Variants in GZMM observed in about 807,000 individuals in gnomAD.
The protein encoded by GZMM is granzyme M.
In GZMM, 23 loss-of-function variants were observed where a neutral mutation model predicts 19.2. That is an observed-to-expected ratio of 1.20 (90% CI 0.86 to 1.69). The LOEUF (loss-of-function observed/expected upper bound fraction) is 1.69, where lower values mean the gene tolerates loss of function less well. Ranked by LOEUF, GZMM falls within the 40% of genes most tolerant of loss-of-function variation. The pLI, the probability that GZMM is intolerant of heterozygous loss-of-function variation, is 0.00. For missense variants in GZMM, 373 were observed against 352.2 expected (o/e 1.06, Z -0.47); for synonymous variants, 178 against 160.2 (o/e 1.11, Z -0.84).
Position 548,891 on chromosome 19 carries a change from C to A in GZMM, c.349-31C>A, listed in dbSNP as rs1467077425. 22 of 1,492,314 alleles carry A rather than the reference C, an allele frequency of 1.5e-5. No homozygotes were observed. In the Admixed American group the frequency reaches 4.8e-4, roughly 32 times the overall value. The allele number at this position is 1,492,314 out of a possible 1,614,324, so 92.4% of individuals were successfully genotyped here. ...GCCCCCGCACTCTCACCCCCTCCCC[C>A]TGCTCACCTGCCCCTTCCTGTCACT... On this transcript the variant is annotated intron_variant, in intron 3 of 4. Transcript: ENST00000264553.
intron 1 of GZMM, among the ~76,000 whole-genome samples, chr19:545,475 G>A (rs1980241177): frequency 6.6e-6 from 1 of 152,094 alleles, no homozygotes; most frequent in Non-Finnish European, 1.5e-5. Context: ...AGCCTCCCGA[G>A]TAGCTGGGAT....
In GZMM at chr19:548,602, C is replaced by T. The variant is rs752289692; in HGVS notation, c.273C>T (p.Phe91=). 1 of 1,613,586 alleles carries T rather than the reference C, an allele frequency of 6.2e-7. No homozygotes were observed. Among genetic ancestry groups the T allele is most frequent in the Non-Finnish European group, 8.5e-7 (1 of 1,179,702 alleles). The change falls in exon 3 of 5, where the codon TTC becomes TTT. Residue 91 remains phenylalanine, a synonymous_variant. Transcript: ENST00000264553. ...LHTLDSPGLT[F]HIKAAIQHPR... is the part of the protein sequence containing the mutation. ...CCCTGGACAGCCCCGGTCTCACCTT[C>T]CACATCAAGGCAGCCATCCAGCACC...
chr19:545,425 G>A (rs1980238927), intron 1 of GZMM, among the ~76,000 whole-genome samples: 1 of 151,938 alleles, frequency 6.6e-6, no homozygotes, highest in East Asian at 1.9e-4. Flanking sequence ...TCGGCTCACT[G>A]CAGCCTCCGC....
Position 549,861 on chromosome 19 carries a change from GGGT to G in GZMM, c.*72_*74del. On this transcript the variant is annotated 3_prime_UTR_variant, in exon 5 of 5. Coordinates refer to ENST00000264553, the MANE Select transcript of GZMM (RefSeq NM_005317.4). ...TTCCCCTCCAGGGGTGCAGTGGGGT[GGGT>G]GAGGACGGGTGGGAGGGACAGGGAG... is the stretch of plus-strand genomic sequence containing the variant. 2 of 995,976 alleles carry G rather than the reference GGGT, an allele frequency of 2.0e-6. No individual in the cohort carries two copies. The highest frequency in any genetic ancestry group is 1.5e-6 in the Non-Finnish European group (1 of 655,758). 61.7% of individuals were successfully genotyped at this position (995,976 alleles called of 1,614,324 possible).
At chr19:545,836 G>C (rs1186022326) in intron 1 of GZMM, among the ~76,000 whole-genome samples, 2 of 150,146 alleles carry the variant, frequency 1.3e-5, no homozygotes, top group Admixed American at 6.7e-5. Context: ...GTAGAGACGG[G>C]GTTTCACCGT....
Position 547,397 on chromosome 19 carries a change from C to T in GZMM, c.173C>T (p.Pro58Leu). The T allele has an allele frequency of 6.6e-7, 1 of 1,520,134 alleles. No homozygotes were observed. Among genetic ancestry groups the T allele is most frequent in the Non-Finnish European group, 8.8e-7 (1 of 1,133,598 alleles). 94.2% of individuals were successfully genotyped at this position (1,520,134 alleles called of 1,614,324 possible). A position where few individuals can be genotyped will look rare whatever the true frequency, so the allele number is the denominator to read the frequency against. ...CTGTGCGGGGGTGTCCTGGTGCACC[C>T]AAAGTGGGTGCTGACGGCTGCCCAC... ...SHLCGGVLVHPKWVLTAAHCL... is the reference protein window; with the variant it reads ...SHLCGGVLVHLKWVLTAAHCL... Residue 58 changes from proline (P) to leucine (L), a missense_variant, in exon 2 of 5, where the codon CCA becomes CTA. Transcript: ENST00000264553.
chr19:548,295 T>G (rs1980362759), intron 2 of GZMM, among the ~76,000 whole-genome samples: 1 of 152,156 alleles, frequency 6.6e-6, no homozygotes, highest in Non-Finnish European at 1.5e-5. Context: ...GTTGGATTTT[T>G]GGACACACAG....
At chr19:546,513 G>A (rs189578175) in intron 1 of GZMM, among the ~76,000 whole-genome samples, 53 of 143,298 alleles carry the variant, frequency 3.7e-4, no homozygotes, top group Admixed American at 8.5e-4. Context: ...TGCATTCCAG[G>A]CTGGGTAACA....
chr19:549,488 G>A, intron 4 of GZMM, 142 bp from the exon 5 acceptor site: 1 of 830,500 alleles, frequency 1.2e-6, no homozygotes, highest in Non-Finnish European at 1.8e-6. Context: ...GATGGGGAGG[G>A]GACACGCGTG....
At position 548,587 on chromosome 19, in the gene GZMM, C is replaced by A; in HGVS notation, c.258C>A (p.Ser86Arg). The A allele has an allele frequency of 6.2e-7, 1 of 1,613,364 alleles. No individual in the cohort carries two copies. The highest frequency in any genetic ancestry group is 8.5e-7 in the Non-Finnish European group (1 of 1,179,594). ...TGCTGGGGCTCCACACCCTGGACAGCCCCGGTCTCACCTTCCACATCAAGG... is the reference window on the plus strand; with the variant it reads ...TGCTGGGGCTCCACACCCTGGACAGACCCGGTCTCACCTTCCACATCAAGG... ...RLVLGLHTLDSPGLTFHIKAA... is the reference protein window; with the variant it reads ...RLVLGLHTLDRPGLTFHIKAA... The change falls in exon 3 of 5, where the codon AGC (serine) becomes AGA (arginine). Residue 86 changes from serine (S) to arginine (R), a missense_variant. Transcript: ENST00000264553.
intron 4 of GZMM, 50 bp from the exon 5 acceptor site, chr19:549,580 C>G: frequency 6.4e-7 from 1 of 1,563,276 alleles, no homozygotes; most frequent in Non-Finnish European, 8.6e-7. Context: ...CTGCTCCCCT[C>G]GTCCCCTCAG....
At position 549,077 on chromosome 19, in the gene GZMM, C is replaced by A. The variant is rs59235301; in HGVS notation, c.504C>A (p.Leu168=). 1 of 1,589,752 alleles carries A rather than the reference C, an allele frequency of 6.3e-7. No individual in the cohort carries two copies. The highest frequency in any genetic ancestry group is 8.6e-7 in the Non-Finnish European group (1 of 1,169,562). The change falls in exon 4 of 5, where the codon CTC becomes CTA. Residue 168 remains leucine (L), a synonymous_variant. Transcript: ENST00000264553. ...RLSRVLRELD[L]QVLDTRMCNN... ...CCCGGGTGCTGCGGGAGCTGGACCTCCAAGTGCTGGACACCCGCATGTGTA... is the reference window on the plus strand; with the variant it reads ...CCCGGGTGCTGCGGGAGCTGGACCTACAAGTGCTGGACACCCGCATGTGTA...
intron 3 of GZMM, 80 bp downstream of exon 3, chr19:548,757 C>CCGCTGCCGACCCGCCCCCCG: frequency 8.5e-7 from 1 of 1,180,064 alleles, no homozygotes; most frequent in Non-Finnish European, 1.2e-6. Context: ...CGCCCTCCCC[C>CCGCTGCCGACCCGCCCCCCG]CGCTGCCGAC....
Position 549,686 on chromosome 19 carries a change from G to A in GZMM, c.669G>A (p.Leu223=). 6.2e-7 allele frequency: 1 copy of A among 1,613,794 alleles called. No individual in the cohort carries two copies. The highest frequency in any genetic ancestry group is 8.5e-7 in the Non-Finnish European group (1 of 1,179,926). The change falls in exon 5 of 5, where the codon CTG becomes CTA. Residue 223 remains leucine (L), a synonymous_variant. Transcript: ENST00000264553. ...CGKGRVLARV[L]SFSSRVCTDI... is the part of the protein sequence containing the mutation. Reference sequence around the variant, plus strand: ...AAGGCCGGGTGTTGGCCAGAGTCCTGTCCTTCAGCTCCAGGGTCTGCACTG... The same window carrying A: ...AAGGCCGGGTGTTGGCCAGAGTCCTATCCTTCAGCTCCAGGGTCTGCACTG...
In GZMM at chr19:548,522, C is replaced by G; in HGVS notation, c.213-20C>G. On this transcript the variant is annotated intron_variant, in intron 2 of 4. Coordinates refer to ENST00000264553, the MANE Select transcript of GZMM (RefSeq NM_005317.4). ...CCACGCCGGGCCAGGCCGCAGCACC[C>G]TGATTCCCTCTGTCCCCAGGATGGC... 1 of 1,612,124 alleles carries G rather than the reference C, an allele frequency of 6.2e-7. No individual in the cohort carries two copies. Among genetic ancestry groups the G allele is most frequent in the Non-Finnish European group, 8.5e-7 (1 of 1,179,214 alleles).
chr19:548,412 C>T, intron 2 of GZMM, 130 bp from the exon 3 acceptor site: 1 of 885,490 alleles, frequency 1.1e-6, no homozygotes, highest in African/African-American at 1.7e-5. Flanking sequence ...ACTGGCCAAG[C>T]CAAGGCCTGT....
intron 1 of GZMM, among the ~76,000 whole-genome samples, chr19:545,099 A>ATCCCTCCTTCCCTCCACCCGTCG (rs1568334505): frequency 7.1e-6 from 1 of 141,236 alleles, no homozygotes; most frequent in African/African-American, 2.7e-5. Flanking sequence ...TCCTCCTTCC[A>ATCCCTCCTTCCCTCCACCCGTCG]TCCCTCCTTC....
chr19:544,200 G>A, intron 1 of GZMM, 74 bp downstream of exon 1: 1 of 1,288,614 alleles, frequency 7.8e-7, no homozygotes, highest in Admixed American at 2.0e-5. Context: ...GGGAGGGGTG[G>A]GCGCGGGCGC....
chr19:547,922 T>G (rs1266280594), intron 2 of GZMM, among the ~76,000 whole-genome samples: 1 of 152,168 alleles, frequency 6.6e-6, no homozygotes, highest in East Asian at 1.9e-4. Context: ...ACCTCAGGAC[T>G]GGTCCGTCAT....
Sources: gnomAD v4.1 joint callset for allele counts (sites outside exome capture counted in the v4.1 genomes callset) on GRCh38, gnomAD v4.1.1 for gene constraint, MANE v1.5 for transcripts, NCBI Gene and HGNC (gene_info 2026-07-23, HGNC 2026-07-21) for gene names.